The following GABRB2 variants were observed in gnomAD, a reference collection of about 807,000 sequenced individuals.
GABRB2 encodes gamma-aminobutyric acid receptor subunit beta-2.
GABRB2 carries 16 observed loss-of-function variants against 54.7 expected under a neutral mutation model. The ratio of observed to expected loss-of-function variants is 0.29; its 90% CI spans 0.20 to 0.44. The LOEUF is 0.44. GABRB2 is among the 20% of genes least tolerant of loss of function. GABRB2 has a pLI of 1.00. For synonymous variants in GABRB2, 244 were observed against 233.8 expected (o/e 1.04, Z -0.40); for missense variants, 355 against 644.0 (o/e 0.55, Z 4.86).
intron 5 of GABRB2, among the ~76,000 whole-genome samples, chr5:161,351,413 A>AT (rs911773472): frequency 6.6e-6 from 1 of 152,134 alleles, no homozygotes; most frequent in African/African-American, 2.4e-5. Flanking sequence ...TAGTCAATTG[A>AT]TTTTTAACAA....
chr5:161,341,584 T>G (rs2113416572), intron 5 of GABRB2, among the ~76,000 whole-genome samples: 1 of 151,792 alleles, frequency 6.6e-6, no homozygotes, highest in Non-Finnish European at 1.5e-5. Context: ...TATAAAAATC[T>G]ATAAAATATA....
chr5:161,399,454 G>A (rs1197127781), intron 5 of GABRB2, among the ~76,000 whole-genome samples: 6 of 152,228 alleles, frequency 3.9e-5, no homozygotes, highest in African/African-American at 1.2e-4. Context: ...CAGAACATCC[G>A]TTGTGCTAAT....
intron 5 of GABRB2, among the ~76,000 whole-genome samples, chr5:161,376,469 A>C (rs1216479583): frequency 6.6e-6 from 1 of 152,088 alleles, no homozygotes; most frequent in Admixed American, 6.6e-5. Flanking sequence ...AAAGACGAGA[A>C]AAAAATGCCT....
intron 9 of GABRB2, among the ~76,000 whole-genome samples, chr5:161,318,652 T>G (rs1385477240): frequency 6.6e-6 from 1 of 152,028 alleles, no homozygotes; most frequent in Non-Finnish European, 1.5e-5. Context: ...CTCTAAAATT[T>G]TTCACTTTCT....
At position 161,466,137 on chromosome 5, in the gene GABRB2, T is replaced by C. The variant is rs543556490; in HGVS notation, c.238-6293A>G. 5.9e-5 allele frequency among the ~76,000 whole-genome samples: 9 copies of C among 152,232 alleles called. No homozygotes were observed. The East Asian group carries it at 1.2e-3, about 20-fold the overall frequency. ...TTTGGATTTGCTTGGTGTGTGCTTATGATTAGATTGAGATTATACCATTTG... is the reference window on the plus strand; with the variant it reads ...TTTGGATTTGCTTGGTGTGTGCTTACGATTAGATTGAGATTATACCATTTG... On this transcript the variant is annotated intron_variant, in intron 3 of 9. Coordinates refer to ENST00000393959, the MANE Select transcript of GABRB2 (RefSeq NM_001371727.1).
At chr5:161,351,309 C>A (rs1352575517) in intron 5 of GABRB2, among the ~76,000 whole-genome samples, 1 of 151,982 alleles carries the variant, frequency 6.6e-6, no homozygotes, top group Non-Finnish European at 1.5e-5. Flanking sequence ...TATTACAAAG[C>A]TATAGTAATC....
At chr5:161,364,676 CT>C (rs1754923636) in intron 5 of GABRB2, among the ~76,000 whole-genome samples, 1 of 152,106 alleles carries the variant, frequency 6.6e-6, no homozygotes, top group Non-Finnish European at 1.5e-5. Context: ...ACTTTTGATA[CT>C]TCTTTCCCTC....
rs1438923370 is a variant in GABRB2, at chr5:161,366,172, C to T, written c.542-29403G>A. ...AAAGTAACCTAGATTCTACAGAATACAATAAACCACTGCGAAAGAAAATGA... is the reference window on the plus strand; with the variant it reads ...AAAGTAACCTAGATTCTACAGAATATAATAAACCACTGCGAAAGAAAATGA... On this transcript the variant is annotated intron_variant, in intron 5 of 9. Coordinates refer to ENST00000393959, the MANE Select transcript of GABRB2 (RefSeq NM_001371727.1). Among the ~76,000 whole-genome samples, 9 of 151,722 alleles carry T rather than the reference C, an allele frequency of 5.9e-5. No individual in the cohort carries two copies. The East Asian group carries it at 1.7e-3, about 29-fold the overall frequency.
intron 3 of GABRB2, among the ~76,000 whole-genome samples, chr5:161,480,068 C>A (rs530912688): frequency 6.6e-6 from 1 of 152,150 alleles, no homozygotes; most frequent in South Asian, 2.1e-4. Context: ...CTGCCACTAC[C>A]ACTACCTCAC....
At chr5:161,399,562 C>T (rs895285107) in intron 5 of GABRB2, among the ~76,000 whole-genome samples, 6 of 152,152 alleles carry the variant, frequency 3.9e-5, no homozygotes, top group African/African-American at 1.4e-4. Context: ...GGACTAGTGG[C>T]TGCCTTGGCA....
chr5:161,313,560 A>G (rs1425839285), intron 9 of GABRB2, among the ~76,000 whole-genome samples: 1 of 151,754 alleles, frequency 6.6e-6, no homozygotes, highest in Non-Finnish European at 1.5e-5. Flanking sequence ...TTAGACTGAG[A>G]GAGCCAATGC....
chr5:161,377,188 A>G (rs993919529), intron 5 of GABRB2, among the ~76,000 whole-genome samples: 1 of 152,116 alleles, frequency 6.6e-6, no homozygotes, highest in Non-Finnish European at 1.5e-5. Context: ...CATAAACATC[A>G]CTTAATGAGT....
intron 3 of GABRB2, among the ~76,000 whole-genome samples, chr5:161,486,160 A>G (rs1758915996): frequency 1.3e-5 from 2 of 151,958 alleles, no homozygotes; most frequent in African/African-American, 4.8e-5. Flanking sequence ...GTAGTCACAG[A>G]CAGATGGGTC....
At chr5:161,467,713 C>T (rs1341903030) in intron 3 of GABRB2, among the ~76,000 whole-genome samples, 4 of 151,858 alleles carry the variant, frequency 2.6e-5, no homozygotes, top group Admixed American at 2.0e-4. Flanking sequence ...TATTTTTTTC[C>T]ACTTCATGGG....
chr5:161,487,140 A>G (rs1264473289), intron 3 of GABRB2, among the ~76,000 whole-genome samples: 1 of 151,900 alleles, frequency 6.6e-6, no homozygotes, highest in Non-Finnish European at 1.5e-5. Context: ...TCTTTTCCCA[A>G]TATTTTCTGG....
intron 4 of GABRB2, among the ~76,000 whole-genome samples, chr5:161,438,858 GGACAAAA>G (rs910824875): frequency 6.6e-6 from 1 of 151,782 alleles, no homozygotes; most frequent in Non-Finnish European, 1.5e-5. Context: ...TAATCAGAGG[GGACAAAA>G]GAAAAAAGAA....
intron 5 of GABRB2, among the ~76,000 whole-genome samples, chr5:161,410,474 C>G (rs1756478010): frequency 6.6e-6 from 1 of 151,824 alleles, no homozygotes; most frequent in Non-Finnish European, 1.5e-5. Context: ...ACTTTAGAGA[C>G]TGAAAATAGT....
intron 5 of GABRB2, among the ~76,000 whole-genome samples, chr5:161,353,410 G>T (rs1176090694): frequency 1.3e-5 from 2 of 152,066 alleles, no homozygotes; most frequent in East Asian, 3.9e-4. Context: ...TGAGAATGGG[G>T]AAGCCCCTTC....
intron 3 of GABRB2, among the ~76,000 whole-genome samples, chr5:161,462,418 C>T: frequency 6.6e-6 from 1 of 152,102 alleles, no homozygotes. Flanking sequence ...AAAAATAAAA[C>T]ATGCAATTAA....
Sources: gnomAD v4.1 joint callset for allele counts (sites outside exome capture counted in the v4.1 genomes callset) on GRCh38, gnomAD v4.1.1 for gene constraint, MANE v1.5 for transcripts, NCBI Gene and HGNC (gene_info 2026-07-23, HGNC 2026-07-21) for gene names.